The following HCN1 variants were observed in gnomAD, a reference collection of about 807,000 sequenced individuals.
HCN1 encodes potassium/sodium hyperpolarization-activated cyclic nucleotide-gated channel 1.
In HCN1, 13 loss-of-function variants were observed where a neutral mutation model predicts 78.9. The ratio of observed to expected loss-of-function variants is 0.16; its 90% CI spans 0.11 to 0.26. The LOEUF (loss-of-function observed/expected upper bound fraction) is 0.26. HCN1 is among the 10% of genes least tolerant of loss of function. The pLI is 1.00. For missense variants in HCN1, 810 were observed against 1,154.3 expected, an observed-to-expected ratio of 0.70 and a Z score of 4.32; for synonymous variants, 552 against 455.5, an observed-to-expected ratio of 1.21 and a Z score of -2.70.
chr5:45,465,707 A>G (rs887609565), intron 2 of HCN1, among the ~76,000 whole-genome samples: 1 of 152,108 alleles, frequency 6.6e-6, no homozygotes, highest in African/African-American at 2.4e-5. Flanking sequence ...GTGAGTCGAG[A>G]TCATGCCACT....
intron 4 of HCN1, among the ~76,000 whole-genome samples, chr5:45,364,025 A>G (rs1445949481): frequency 1.3e-5 from 2 of 152,056 alleles, no homozygotes; most frequent in Non-Finnish European, 2.9e-5. Flanking sequence ...AGGCTCTGCT[A>G]CTAGGAGATT....
In HCN1 at chr5:45,645,584, A is replaced by G; in HGVS notation, c.450T>C (p.Leu150=). The G allele has an allele frequency of 6.2e-7, 1 of 1,605,652 alleles. No homozygotes were observed. The highest frequency in any genetic ancestry group is 8.5e-7 in the Non-Finnish European group (1 of 1,177,074). Residue 150 remains leucine (L), a synonymous_variant, in exon 2 of 8, where the codon CTT becomes CTC. Transcript: ENST00000303230. The stretch of plus-strand genomic sequence containing the variant: ...TGACTAGATTTCCAACCATCATTAT[A>G]AGCATTATTAAATCCCAGTAAAACC... The part of the protein sequence containing the change: ...DFRFYWDLIM[L]IMMVGNLVII...
At chr5:45,561,294 C>A (rs1459900879) in intron 2 of HCN1, among the ~76,000 whole-genome samples, 1 of 151,976 alleles carries the variant, frequency 6.6e-6, no homozygotes, top group Non-Finnish European at 1.5e-5. Context: ...TTCATTGAAT[C>A]CTCCTGAGTG....
chr5:45,510,966 T>C (rs900658280), intron 2 of HCN1, among the ~76,000 whole-genome samples: 1 of 152,014 alleles, frequency 6.6e-6, no homozygotes, highest in Non-Finnish European at 1.5e-5. Flanking sequence ...AAATTAGCAA[T>C]CTCTTTCTCC....
chr5:45,521,348 T>C (rs1040370189), intron 2 of HCN1, among the ~76,000 whole-genome samples: 1 of 151,880 alleles, frequency 6.6e-6, no homozygotes, highest in Non-Finnish European at 1.5e-5. Flanking sequence ...ACAGACTAGA[T>C]AGATTTGAAC....
At chr5:45,628,905 G>A (rs937880559) in intron 2 of HCN1, among the ~76,000 whole-genome samples, 9 of 151,644 alleles carry the variant, frequency 5.9e-5, no homozygotes, top group South Asian at 2.1e-4. Flanking sequence ...GGAGGAGGAG[G>A]TCACAGTGAG....
At chr5:45,357,597 G>A (rs961140500) in intron 4 of HCN1, among the ~76,000 whole-genome samples, 5 of 151,936 alleles carry the variant, frequency 3.3e-5, no homozygotes, top group Admixed American at 1.3e-4. Flanking sequence ...TTTTTAGGCC[G>A]CTTTTATTCT....
intron 4 of HCN1, among the ~76,000 whole-genome samples, chr5:45,375,189 TATATA>T (rs1376576876): frequency 1.2e-4 from 14 of 119,978 alleles, no homozygotes; most frequent in African/African-American, 3.3e-4. Context: ...TAATGTATTA[TATATA>T]ATATAATATT....
chr5:45,303,816 C>A lies in HCN1; in HGVS notation c.1401G>T (p.Arg467=). The stretch of plus-strand genomic sequence containing the variant: ...ATAAAGGCATTGTAGCCACCAGTTT[C>A]CGACAGTTGAAGTTGACTATCTCCT... The part of the protein sequence containing the change: ...LREEIVNFNC[R]KLVATMPLFA... Residue 467 remains arginine (R), a synonymous_variant, in exon 6 of 8, where the codon CGG becomes CGT. Coordinates refer to ENST00000303230, the MANE Select transcript of HCN1 (RefSeq NM_021072.4). 6.2e-7 allele frequency: 1 copy of A among 1,613,306 alleles called. No individual in the cohort carries two copies. The highest frequency in any genetic ancestry group is 8.5e-7 in the Non-Finnish European group (1 of 1,179,488).
At position 45,537,466 on chromosome 5, in the gene HCN1, G is replaced by A. The variant is rs893065952; in HGVS notation, c.850-75459C>T. On this transcript the variant is annotated intron_variant, in intron 2 of 7. Transcript: ENST00000303230. ...AAACATGTTAGATATTGATTCTCCTGCAAAAAGGTTGGTGTTTTACTGTTG... is the reference window on the plus strand; with the variant it reads ...AAACATGTTAGATATTGATTCTCCTACAAAAAGGTTGGTGTTTTACTGTTG... Among the ~76,000 whole-genome samples, 4 of 129,316 alleles carry A rather than the reference G, an allele frequency of 3.1e-5. No homozygotes were observed. In the South Asian group the frequency reaches 7.9e-4, roughly 25 times the overall value. 84.8% of individuals were successfully genotyped at this position (129,316 alleles called of 152,430 possible). A position where few individuals can be genotyped will look rare whatever the true frequency, so the allele number is the denominator to read the frequency against.
At chr5:45,518,958 T>C (rs1742567039) in intron 2 of HCN1, among the ~76,000 whole-genome samples, 1 of 151,758 alleles carries the variant, frequency 6.6e-6, no homozygotes. Context: ...ACATATAAAA[T>C]GTGCATATAT....
intron 5 of HCN1, among the ~76,000 whole-genome samples, chr5:45,344,062 G>C (rs932521045): frequency 6.6e-6 from 1 of 151,986 alleles, no homozygotes; most frequent in East Asian, 1.9e-4. Context: ...GCATGGTAGG[G>C]GAGGCCTCAG....
At chr5:45,490,485 G>C (rs1170100723) in intron 2 of HCN1, among the ~76,000 whole-genome samples, 1 of 151,908 alleles carries the variant, frequency 6.6e-6, no homozygotes, top group African/African-American at 2.4e-5. Flanking sequence ...TCCTCTTTCT[G>C]AGCATTCTTA....
At position 45,303,813 on chromosome 5, in the gene HCN1, T is replaced by C. The variant is rs763861424; in HGVS notation, c.1404A>G (p.Lys468=). The change falls in exon 6 of 8, where the codon AAA becomes AAG. Residue 468 remains lysine, a synonymous_variant. Transcript: ENST00000303230. ...CAAATAAAGGCATTGTAGCCACCAG[T>C]TTCCGACAGTTGAAGTTGACTATCT... ...REEIVNFNCR[K]LVATMPLFAN... is the part of the protein sequence containing the mutation. The C allele has an allele frequency of 6.2e-7, 1 of 1,613,462 alleles. No individual in the cohort carries two copies. Among genetic ancestry groups the C allele is most frequent in the Admixed American group, 1.7e-5 (1 of 59,920 alleles).
At chr5:45,474,658 C>A (rs560180058) in intron 2 of HCN1, among the ~76,000 whole-genome samples, 2 of 151,976 alleles carry the variant, frequency 1.3e-5, no homozygotes, top group East Asian at 1.9e-4. Flanking sequence ...TGCTTTCTTG[C>A]CAAGCTTCAT....
intron 3 of HCN1, among the ~76,000 whole-genome samples, chr5:45,459,224 C>A (rs1225961864): frequency 6.6e-6 from 1 of 151,682 alleles, no homozygotes; most frequent in Non-Finnish European, 1.5e-5. Context: ...GGCGACATAG[C>A]AAGACCCCCA....
At chr5:45,439,167 A>G (rs923029496) in intron 3 of HCN1, among the ~76,000 whole-genome samples, 2 of 152,120 alleles carry the variant, frequency 1.3e-5, no homozygotes, top group African/African-American at 4.8e-5. Flanking sequence ...TTTATTTTCA[A>G]GTACCAATAG....
At chr5:45,306,984 G>A (rs1745747633) in intron 5 of HCN1, among the ~76,000 whole-genome samples, 2 of 151,978 alleles carry the variant, frequency 1.3e-5, no homozygotes, top group African/African-American at 4.8e-5. Context: ...AAGAAAGTAT[G>A]TACATGGTAA....
intron 2 of HCN1, among the ~76,000 whole-genome samples, chr5:45,601,822 G>T (rs1744630913): frequency 6.6e-6 from 1 of 152,124 alleles, no homozygotes; most frequent in South Asian, 2.1e-4. Context: ...GCTGGATTGT[G>T]TCCTCCCAAA....
Sources: allele counts gnomAD v4.1 joint callset (sites outside exome capture counted in the v4.1 genomes callset), GRCh38; gene constraint gnomAD v4.1.1; transcripts MANE v1.5; gene names NCBI Gene and HGNC (gene_info 2026-07-23, HGNC 2026-07-21).